The following IMMP2L variants were observed in gnomAD, a reference collection of about 807,000 sequenced individuals.
IMMP2L encodes the protein inner mitochondrial membrane peptidase subunit 2.
Under a neutral mutation model 19.3 loss-of-function variants are expected in IMMP2L, and 18 were observed. The observed-to-expected ratio is 0.93, with a 90% CI of 0.64 to 1.38. The LOEUF is 1.38. IMMP2L is among the 40% of genes most tolerant of loss of function. The pLI, the probability that IMMP2L is intolerant of heterozygous loss-of-function variation, is 0.00. For missense variants in IMMP2L, 233 were observed against 218.2 expected (o/e 1.07, Z -0.43); for synonymous variants, 76 against 73.0 (o/e 1.04, Z -0.21).
At chr7:111,499,874 T>C (rs369535294) in intron 2 of IMMP2L, among the ~76,000 whole-genome samples, 13 of 152,180 alleles carry the variant, frequency 8.5e-5, no homozygotes, top group East Asian at 3.9e-4. Flanking sequence ...GCTCCCAGAA[T>C]GAGCGACGCA....
At chr7:111,257,729 T>C (rs184602691) in intron 3 of IMMP2L, among the ~76,000 whole-genome samples, 11 of 152,284 alleles carry the variant, frequency 7.2e-5, no homozygotes, top group African/African-American at 2.6e-4. Context: ...AGTGAATGAT[T>C]ACACTGGTAC....
At chr7:111,050,582 G>A (rs1792913025) in intron 3 of IMMP2L, among the ~76,000 whole-genome samples, 1 of 152,148 alleles carries the variant, frequency 6.6e-6, no homozygotes. Flanking sequence ...CTGGCAGATT[G>A]ACAGTCTTTT....
chr7:111,121,298 C>T (rs1800582795), intron 3 of IMMP2L, among the ~76,000 whole-genome samples: 1 of 152,090 alleles, frequency 6.6e-6, no homozygotes, highest in South Asian at 2.1e-4. Flanking sequence ...TTCTCCCATT[C>T]TGTAGGTTGC....
At chr7:111,517,525 G>A (rs1845973465) in intron 2 of IMMP2L, among the ~76,000 whole-genome samples, 1 of 151,504 alleles carries the variant, frequency 6.6e-6, no homozygotes, top group Admixed American at 6.6e-5. Flanking sequence ...TTTTAAATGT[G>A]GAAAGCATAT....
At chr7:111,130,339 T>C (rs1801727657) in intron 3 of IMMP2L, among the ~76,000 whole-genome samples, 1 of 152,138 alleles carries the variant, frequency 6.6e-6, no homozygotes, top group Admixed American at 6.5e-5. Context: ...AGAATTGTGG[T>C]TGACCTTAGT....
At chr7:111,334,203 C>T (rs1024362737) in intron 3 of IMMP2L, among the ~76,000 whole-genome samples, 2 of 150,974 alleles carry the variant, frequency 1.3e-5, no homozygotes, top group African/African-American at 4.9e-5. Flanking sequence ...ATATTTCCCC[C>T]CTTCATCTCC....
chr7:111,338,322 G>A (rs371897192), intron 3 of IMMP2L, among the ~76,000 whole-genome samples: 3 of 151,876 alleles, frequency 2.0e-5, no homozygotes, highest in Admixed American at 6.6e-5. Flanking sequence ...TCCTTAGCAC[G>A]TTCCTCCCCC....
intron 4 of IMMP2L, among the ~76,000 whole-genome samples, chr7:110,909,819 T>A (rs1216064594): frequency 6.6e-6 from 1 of 151,964 alleles, no homozygotes; most frequent in Non-Finnish European, 1.5e-5. Flanking sequence ...TTAAAGTATA[T>A]CTGTACTCTC....
intron 3 of IMMP2L, among the ~76,000 whole-genome samples, chr7:111,122,168 C>T (rs1800721927): frequency 6.6e-6 from 1 of 151,828 alleles, no homozygotes; most frequent in Admixed American, 6.6e-5. Context: ...CACATGTATA[C>T]ATATGTAACA....
At chr7:111,033,731 T>C (rs1466202926) in intron 3 of IMMP2L, among the ~76,000 whole-genome samples, 4 of 152,236 alleles carry the variant, frequency 2.6e-5, no homozygotes, top group Non-Finnish European at 5.9e-5. Context: ...ACATACTATG[T>C]AATTCCAACT....
chr7:111,271,474 A>G (rs1016234802), intron 3 of IMMP2L, among the ~76,000 whole-genome samples: 76 of 152,182 alleles, frequency 5.0e-4, no homozygotes, highest in African/African-American at 1.7e-3. Context: ...TGCTTTGGCC[A>G]GTGGTTCTCA....
In IMMP2L at chr7:110,930,599, G is replaced by T. The variant is rs144898842; in HGVS notation, c.305+32901C>A. ...AACTTGCCCTGGGTCACAGAAAGTG[G>T]CCCAGTAATGGCATAAACTATAACA... On this transcript the variant is annotated intron_variant, in intron 4 of 5. Transcript: ENST00000405709. Among the ~76,000 whole-genome samples, 521 of 152,248 alleles carry T rather than the reference G, an allele frequency of 3.4e-3. 10 individuals carry two copies. Among genetic ancestry groups the T allele is most frequent in the Admixed American group, 0.031 (480 of 15,272 alleles).
intron 3 of IMMP2L, among the ~76,000 whole-genome samples, chr7:111,216,593 T>C (rs1811949775): frequency 6.6e-6 from 1 of 152,128 alleles, no homozygotes; most frequent in African/African-American, 2.4e-5. Context: ...ACTCTATTAT[T>C]AATTATATTC....
chr7:111,311,840 G>A (rs920524307), intron 3 of IMMP2L, among the ~76,000 whole-genome samples: 4 of 152,056 alleles, frequency 2.6e-5, no homozygotes, highest in African/African-American at 7.2e-5. Flanking sequence ...ACCCATTATC[G>A]CAATTGTACT....
intron 3 of IMMP2L, among the ~76,000 whole-genome samples, chr7:111,172,279 T>A (rs1806530173): frequency 6.6e-6 from 1 of 151,524 alleles, no homozygotes; most frequent in Non-Finnish European, 1.5e-5. Flanking sequence ...CTTAGGAGCT[T>A]TATTTATTAC....
chr7:111,289,158 T>TAACA (rs1820816551), intron 3 of IMMP2L, among the ~76,000 whole-genome samples: 1 of 150,564 alleles, frequency 6.6e-6, no homozygotes, highest in East Asian at 2.0e-4. Context: ...CTCAGCAAAC[T>TAACA]AACACAACAA....
chr7:111,466,556 A>G (rs1214783884), intron 3 of IMMP2L, among the ~76,000 whole-genome samples: 1 of 152,186 alleles, frequency 6.6e-6, no homozygotes, highest in African/African-American at 2.4e-5. Context: ...AAAAGTGATT[A>G]CTGTTACTGT....
Position 110,665,478 on chromosome 7 carries a change from A to T in IMMP2L, c.409-1757T>A, listed in dbSNP as rs201427625. 5.9e-5 allele frequency among the ~76,000 whole-genome samples: 9 copies of T among 152,284 alleles called. No individual in the cohort carries two copies. In the East Asian group the frequency reaches 1.7e-3, roughly 29 times the overall value. On this transcript the variant is annotated intron_variant, in intron 5 of 5. Transcript: ENST00000405709. ...ACTTATTACATAGTTCATATTCAAA[A>T]TTTTCCAATTGTCCCACTGATGTCT... is the stretch of plus-strand genomic sequence containing the variant.
chr7:111,146,715 T>G (rs563245165), intron 3 of IMMP2L, among the ~76,000 whole-genome samples: 1 of 152,212 alleles, frequency 6.6e-6, no homozygotes, highest in South Asian at 2.1e-4. Context: ...TAAAAAAATA[T>G]TTATTAAGTT....
Sources: gnomAD v4.1 joint callset for allele counts (sites outside exome capture counted in the v4.1 genomes callset) on GRCh38, gnomAD v4.1.1 for gene constraint, MANE v1.5 for transcripts, NCBI Gene and HGNC (gene_info 2026-07-23, HGNC 2026-07-21) for gene names.